The following LIN9 variants were observed in gnomAD, a reference collection of about 807,000 sequenced individuals.
LIN9 encodes the protein protein lin-9 homolog.
In LIN9, 18 loss-of-function variants were observed where a neutral mutation model predicts 78.0. The ratio of observed to expected loss-of-function variants is 0.23; its 90% CI spans 0.16 to 0.34. The LOEUF is 0.34. LIN9 is among the 10% of genes least tolerant of loss of function. The probability of loss-of-function intolerance (pLI) is 1.00; values close to 1 mark genes in which losing one functional copy is unlikely to be tolerated. For missense variants in LIN9, 451 were observed against 644.1 expected, an observed-to-expected ratio of 0.70 and a Z score of 3.25; for synonymous variants, 192 against 215.2, an observed-to-expected ratio of 0.89 and a Z score of 0.94.
chr1:226,295,481 TA>T (rs1006901908), intron 4 of LIN9, among the ~76,000 whole-genome samples: 35 of 151,328 alleles, frequency 2.3e-4, no homozygotes, highest in Non-Finnish European at 4.4e-4. Context: ...CATATATATA[TA>T]TATTTTTTTC....
chr1:226,295,255 G>C (rs1184885213), intron 4 of LIN9, among the ~76,000 whole-genome samples: 1 of 151,334 alleles, frequency 6.6e-6, no homozygotes, highest in African/African-American at 2.4e-5. Flanking sequence ...TTCAAGACCA[G>C]CCTGGCCAAC....
At position 226,236,121 on chromosome 1, in the gene LIN9, T is replaced by C. The variant is rs537867504; in HGVS notation, c.1246-2598A>G. 6.6e-5 allele frequency among the ~76,000 whole-genome samples: 10 copies of C among 152,252 alleles called. No individual in the cohort carries two copies. In the South Asian group the frequency reaches 1.5e-3, roughly 22 times the overall value. ...TGGGCATTTATGTTTATTTCTAATA[T>C]TTTTTAATTACCAATAATGCTTCAA... On this transcript the variant is annotated intron_variant, in intron 12 of 14. Coordinates refer to ENST00000681046, the MANE Select transcript of LIN9 (RefSeq NM_001366245.2).
At chr1:226,309,431 G>T, upstream of LIN9, 2 of 1,002,432 alleles carry the variant, frequency 2.0e-6, no homozygotes, top group East Asian at 2.3e-4. Flanking sequence ...GGAGCGCGGG[G>T]GGAGCAGTAC....
At chr1:226,296,209 T>G (rs745867936) in intron 3 of LIN9, among the ~76,000 whole-genome samples, 14 of 152,334 alleles carry the variant, frequency 9.2e-5, no homozygotes, top group Admixed American at 2.0e-4. Context: ...GTCTCCTTAG[T>G]ACACTGGCAG....
intron 1 of LIN9, among the ~76,000 whole-genome samples, chr1:226,308,529 C>T (rs1663067317): frequency 6.6e-6 from 1 of 152,150 alleles, no homozygotes; most frequent in South Asian, 2.1e-4. Flanking sequence ...GGGGCCAACC[C>T]TCTGACACGG....
intron 10 of LIN9, among the ~76,000 whole-genome samples, chr1:226,256,386 C>T (rs1212243512): frequency 2.6e-5 from 4 of 151,832 alleles, no homozygotes; most frequent in Non-Finnish European, 4.4e-5. Context: ...AACCTCTGCA[C>T]CCTATGAAAT....
intron 11 of LIN9, among the ~76,000 whole-genome samples, chr1:226,241,218 G>C (rs1450692832): frequency 6.6e-6 from 1 of 152,232 alleles, no homozygotes; most frequent in Non-Finnish European, 1.5e-5. Flanking sequence ...TCATCCGAAA[G>C]ATTTTCTATA....
chr1:226,286,776 G>T (rs554544590), intron 5 of LIN9, among the ~76,000 whole-genome samples: 1 of 152,266 alleles, frequency 6.6e-6, no homozygotes, highest in African/African-American at 2.4e-5. Flanking sequence ...TAGCTACAAA[G>T]TATCTTTGTC....
At chr1:226,254,971 C>G (rs1170102476) in intron 10 of LIN9, among the ~76,000 whole-genome samples, 6 of 149,360 alleles carry the variant, frequency 4.0e-5, no homozygotes, top group African/African-American at 1.5e-4. Context: ...AAATTGAGGG[C>G]CAAGGCAAAC....
chr1:226,235,322 C>CAAA (rs375690849), intron 12 of LIN9, among the ~76,000 whole-genome samples: 2,556 of 59,334 alleles, frequency 0.043, 175 homozygotes, highest in South Asian at 0.047. Context: ...AAATCCGTCT[C>CAAA]AAAAAAAAAA....
chr1:226,272,618 G>T (rs962748944), intron 7 of LIN9, among the ~76,000 whole-genome samples: 1 of 149,732 alleles, frequency 6.7e-6, no homozygotes, highest in Non-Finnish European at 1.5e-5. Context: ...TAGGAAAAAA[G>T]CTGAGGCAGG....
At chr1:226,290,271 T>G (rs1329533768) in intron 4 of LIN9, among the ~76,000 whole-genome samples, 2 of 150,738 alleles carry the variant, frequency 1.3e-5, no homozygotes, top group Admixed American at 6.6e-5. Flanking sequence ...TTTAAACATA[T>G]GAAAAGTGTC....
Position 226,231,623 on chromosome 1 carries a change from T to C in LIN9, c.*878A>G, listed in dbSNP as rs901907947. ...TATTATATTTGTTTTCCTTATAAAATCTTTTTACTTTATAAATTGTGTACT... is the reference window on the plus strand; with the variant it reads ...TATTATATTTGTTTTCCTTATAAAACCTTTTTACTTTATAAATTGTGTACT... On this transcript the variant is annotated 3_prime_UTR_variant, in exon 15 of 15. Coordinates refer to ENST00000681046, the MANE Select transcript of LIN9 (RefSeq NM_001366245.2). 1 of 152,594 alleles carries C rather than the reference T, an allele frequency of 6.6e-6. No individual in the cohort carries two copies. The highest frequency in any genetic ancestry group is 1.5e-5 in the Non-Finnish European group (1 of 68,028). The allele number at this position is 152,594 out of a possible 1,614,324, so 9.5% of individuals were successfully genotyped here.
intron 4 of LIN9, among the ~76,000 whole-genome samples, chr1:226,290,136 C>T (rs73087889): frequency 0.011 from 1,649 of 151,996 alleles, 33 homozygotes; most frequent in African/African-American, 0.037. Context: ...CCATTATAAA[C>T]ATCCAAAGGG....
At chr1:226,309,543 A>G (rs1663168889), upstream of LIN9, 2 of 1,180,452 alleles carry the variant, frequency 1.7e-6, no homozygotes, top group Non-Finnish European at 2.2e-6. Flanking sequence ...GGAGAACGGG[A>G]GGGAGGCCCC....
At chr1:226,246,343 A>G (rs1252504389) in intron 11 of LIN9, among the ~76,000 whole-genome samples, 2 of 152,132 alleles carry the variant, frequency 1.3e-5, no homozygotes, top group Non-Finnish European at 2.9e-5. Context: ...ATGTCATTCC[A>G]TTATCTTCTG....
Position 226,234,170 on chromosome 1 carries a change from G to C in LIN9, c.1246-647C>G, listed in dbSNP as rs551395255. 1.9e-4 allele frequency among the ~76,000 whole-genome samples: 29 copies of C among 152,230 alleles called. No individual in the cohort carries two copies. The South Asian group carries it at 5.8e-3, about 30-fold the overall frequency. On this transcript the variant is annotated intron_variant, in intron 12 of 14. Transcript: ENST00000681046. ...CCCTACAGTAAAGGATTTCCTTTTT[G>C]TAAGTACTAAGTAGTTGTGAAGAGA...
Position 226,233,432 on chromosome 1 carries a change from G to A in LIN9, c.1337C>T (p.Ala446Val). 1 of 1,614,160 alleles carries A rather than the reference G, an allele frequency of 6.2e-7. No homozygotes were observed. Among genetic ancestry groups the A allele is most frequent in the South Asian group, 1.1e-5 (1 of 91,084 alleles). ...EEEAQEIVRH[A>V]NSSTGQPCVE... is the part of the protein sequence containing the mutation. ...GCAGGGCTGTCCTGTTGAGGAATTTGCATGCCGAACAATTTCCTGTGCTTC... is the reference window on the plus strand; with the variant it reads ...GCAGGGCTGTCCTGTTGAGGAATTTACATGCCGAACAATTTCCTGTGCTTC... Residue 446 changes from alanine to valine, a missense_variant, in exon 13 of 15, where the codon GCA becomes GTA. Transcript: ENST00000681046.
intron 11 of LIN9, among the ~76,000 whole-genome samples, chr1:226,239,899 G>A (rs1337560817): frequency 6.6e-6 from 1 of 152,100 alleles, no homozygotes; most frequent in Non-Finnish European, 1.5e-5. Flanking sequence ...CTCTAGTCAA[G>A]GAAAATTTAA....
Sources: allele counts gnomAD v4.1 joint callset (sites outside exome capture counted in the v4.1 genomes callset), GRCh38; gene constraint gnomAD v4.1.1; transcripts MANE v1.5; gene names NCBI Gene and HGNC (gene_info 2026-07-23, HGNC 2026-07-21).